The following USP35 variants were observed in gnomAD, a reference collection of about 807,000 sequenced individuals.
USP35 encodes the protein ubiquitin carboxyl-terminal hydrolase 35.
A neutral mutation model predicts 83.8 loss-of-function variants in USP35; 69 were observed. The ratio of observed to expected loss-of-function variants is 0.82; its 90% CI spans 0.68 to 1.01. USP35 has a LOEUF of 1.01. USP35 is among the 50% of genes least tolerant of loss of function. USP35 has a pLI of 0.00. For missense variants in USP35, 1,503 were observed against 1,362.5 expected (o/e 1.10, Z -1.62); for synonymous variants, 714 against 589.5 (o/e 1.21, Z -3.06).
chr11:78,190,789 A>C (rs1862980579), intron 1 of USP35, among the ~76,000 whole-genome samples: 1 of 152,166 alleles, frequency 6.6e-6, no homozygotes, highest in South Asian at 2.1e-4. Flanking sequence ...TTTCCAGGAG[A>C]GAAGAGGGAA....
intron 6 of USP35, among the ~76,000 whole-genome samples, chr11:78,201,381 T>C (rs972017816): frequency 3.9e-5 from 6 of 152,188 alleles, no homozygotes; most frequent in African/African-American, 1.4e-4. Flanking sequence ...GGCTGGGAAC[T>C]GGGGGCATGG....
At chr11:78,198,950 G>A (rs1229136321) in intron 3 of USP35, 4 of 154,350 alleles carry the variant, frequency 2.6e-5, no homozygotes, top group Admixed American at 1.3e-4. Context: ...TTGCTGTCAT[G>A]GTTTTGTCTT....
At position 78,210,103 on chromosome 11, in the gene USP35, G is replaced by T. The variant is rs1189436315; in HGVS notation, c.2248G>T (p.Glu750Ter). Residue 750 changes from glutamate (E) to a stop codon, truncating the protein, a stop_gained, in exon 10 of 11, where the codon GAG becomes TAG. Coordinates refer to ENST00000529308, the MANE Select transcript of USP35 (RefSeq NM_020798.4). LOFTEE classifies it high-confidence loss of function. ...THPDAAIPSG[E>*]RTCGSEGSRS... ...CCCGGATGCTGCCATCCCCTCCGGGGAGCGGACATGTGGCTCTGAGGGCTC... is the reference window on the plus strand; with the variant it reads ...CCCGGATGCTGCCATCCCCTCCGGGTAGCGGACATGTGGCTCTGAGGGCTC... The T allele has an allele frequency of 6.2e-7, 1 of 1,614,030 alleles. No individual in the cohort carries two copies. Among genetic ancestry groups the T allele is most frequent in the Non-Finnish European group, 8.5e-7 (1 of 1,179,984 alleles).
rs1214703868 is a variant in USP35 at position 78,197,918 on chromosome 11, C to T, written c.674-18C>T. ...GGGCCTGCCTCCCTGCTAAGCTCAG[C>T]CCTGTCCCCTGTTCCAGAGGAGGAG... On this transcript the variant is annotated intron_variant, in intron 2 of 10. Coordinates refer to ENST00000529308, the MANE Select transcript of USP35 (RefSeq NM_020798.4). 5.6e-6 allele frequency: 9 copies of T among 1,612,946 alleles called. No homozygotes were observed. Among genetic ancestry groups the T allele is most frequent in the African/African-American group, 2.7e-5 (2 of 74,920 alleles).
chr11:78,230,605 G>A, the USP35 span, among the ~76,000 whole-genome samples: 8 of 152,350 alleles, frequency 5.3e-5, no homozygotes, highest in South Asian at 1.7e-3. Flanking sequence ...CTCCTAGAAG[G>A]CAGAGGGCCA....
At chr11:78,200,268 C>T in intron 5 of USP35, 34 bp downstream of exon 5, 1 of 1,605,148 alleles carries the variant, frequency 6.2e-7, no homozygotes, top group Non-Finnish European at 8.5e-7. Flanking sequence ...CTGGTGAGGC[C>T]CCTGCCTGCT....
the USP35 span, chr11:78,223,541 T>A: frequency 3.1e-6 from 5 of 1,613,744 alleles, no homozygotes; most frequent in Non-Finnish European, 4.2e-6. Context: ...GCCCCTGGGC[T>A]CATTGGGATG....
At chr11:78,197,686 C>T (rs926171123) in intron 2 of USP35, among the ~76,000 whole-genome samples, 1 of 152,060 alleles carries the variant, frequency 6.6e-6, no homozygotes, top group African/African-American at 2.4e-5. Flanking sequence ...AGGCCTTGCC[C>T]TGAAACCCAC....
chr11:78,220,294 GCCC>G, the USP35 span: 2 of 1,610,346 alleles, frequency 1.2e-6, no homozygotes, highest in Non-Finnish European at 8.5e-7. Flanking sequence ...AGCTCTTACT[GCCC>G]CCCCAACTCT....
rs1279261777 is a variant in USP35 at position 78,214,518 on chromosome 11, C to T, written c.*705C>T. 2 of 152,158 alleles carry T rather than the reference C, an allele frequency of 1.3e-5. No individual in the cohort carries two copies. Among genetic ancestry groups the T allele is most frequent in the East Asian group, 1.9e-4 (1 of 5,168 alleles). The allele number at this position is 152,158 out of a possible 1,614,324, so 9.4% of individuals were successfully genotyped here. Reference sequence around the variant, plus strand: ...GTCCTGATTTTACTGCAAAGGTGTTCATGTTCCTTGTGAAGTGTGGGCTCT... The same window carrying T: ...GTCCTGATTTTACTGCAAAGGTGTTTATGTTCCTTGTGAAGTGTGGGCTCT... On this transcript the variant is annotated 3_prime_UTR_variant, in exon 11 of 11. Coordinates refer to ENST00000529308, the MANE Select transcript of USP35 (RefSeq NM_020798.4).
chr11:78,213,640 T>C lies in USP35; in HGVS notation c.2890-6T>C. 6.8e-7 allele frequency: 1 copy of C among 1,480,398 alleles called. No homozygotes were observed. Among genetic ancestry groups the C allele is most frequent in the Non-Finnish European group, 8.9e-7 (1 of 1,121,082 alleles). 91.7% of individuals were successfully genotyped at this position (1,480,398 alleles called of 1,614,324 possible). A position where few individuals can be genotyped will look rare whatever the true frequency, so the allele number is the denominator to read the frequency against. Reference sequence around the variant, plus strand: ...AGTCTAAGTCTCCTCTCATCTGTGTTCCCAGGAGCAGGAGAAGGAGGCCCG... The same window carrying C: ...AGTCTAAGTCTCCTCTCATCTGTGTCCCCAGGAGCAGGAGAAGGAGGCCCG... On this transcript the variant is annotated splice_polypyrimidine_tract_variant and splice_region_variant and intron_variant, in intron 10 of 10. Coordinates refer to ENST00000529308, the MANE Select transcript of USP35 (RefSeq NM_020798.4).
At chr11:78,228,331 GA>G in the USP35 span, among the ~76,000 whole-genome samples, 776 of 152,242 alleles carry the variant, frequency 5.1e-3, 3 homozygotes, top group African/African-American at 0.018. Context: ...TTCACTTGGG[GA>G]AAAAAAGAAT....
the USP35 span, chr11:78,221,692 C>A: frequency 6.2e-7 from 1 of 1,611,756 alleles, no homozygotes; most frequent in South Asian, 1.1e-5. Context: ...GGACATAGTT[C>A]TCTTCGCTGT....
At chr11:78,226,620 G>GGGGGGGGGGGGGGGGCC in the USP35 span, 2 of 1,500,578 alleles carry the variant, frequency 1.3e-6, no homozygotes, top group Non-Finnish European at 1.9e-6. Context: ...GCGGGGTGGG[G>GGGGGGGGGGGGGGGGCC]GAGCTATGGC....
At chr11:78,234,891 T>C in the USP35 span, among the ~76,000 whole-genome samples, 2 of 151,916 alleles carry the variant, frequency 1.3e-5, no homozygotes, top group South Asian at 2.1e-4. Context: ...GCGCCTGTAA[T>C]CCCAGCTACT....
At chr11:78,226,067 CTG>C in the USP35 span, among the ~76,000 whole-genome samples, 1 of 152,224 alleles carries the variant, frequency 6.6e-6, no homozygotes, top group Non-Finnish European at 1.5e-5. Context: ...CTTTAGCAGT[CTG>C]TTAGTCCACA....
chr11:78,196,776 C>G lies in USP35; in HGVS notation c.531C>G (p.Cys177Trp), dbSNP rs777097838. The stretch of plus-strand genomic sequence containing the variant: ...TGCGTTGCCTCGGCCGCTTCCGCTG[C>G]CCAGCCGAAGGCGAGGAGGGCGCCG... ...QLVRCLGRFR[C>W]PAEGEEGAVE... The change falls in exon 2 of 11, where the codon TGC becomes TGG. Residue 177 changes from cysteine to tryptophan, a missense_variant. Coordinates refer to ENST00000529308, the MANE Select transcript of USP35 (RefSeq NM_020798.4). This position sits in a 1 kb window ranked among gnomAD's most constrained non-coding sequence, Gnocchi z 4.8. 3 of 1,533,528 alleles carry G rather than the reference C, an allele frequency of 2.0e-6. No individual in the cohort carries two copies. Among genetic ancestry groups the G allele is most frequent in the East Asian group, 4.9e-5 (2 of 40,826 alleles). The allele number at this position is 1,533,528 out of a possible 1,614,324, so 95.0% of individuals were successfully genotyped here.
chr11:78,195,117 C>T (rs186048200), intron 1 of USP35, among the ~76,000 whole-genome samples: 114 of 152,152 alleles, frequency 7.5e-4, no homozygotes, highest in Non-Finnish European at 1.1e-3. Flanking sequence ...AGGGCTGGAG[C>T]GCGGAGATGA....
At chr11:78,227,631 C>CAAAAAAAAAAAAAAAA in the USP35 span, among the ~76,000 whole-genome samples, 109 of 105,976 alleles carry the variant, frequency 1.0e-3, 3 homozygotes, top group East Asian at 7.4e-3. Context: ...CCATTGCCAC[C>CAAAAAAAAAAAAAAAA]AAAAAAAAAA....
Sources: gnomAD v4.1 joint callset for allele counts (sites outside exome capture counted in the v4.1 genomes callset) on GRCh38, gnomAD v4.1.1 for gene constraint, Gnocchi (gnomAD v3.1) non-coding constraint, MANE v1.5 for transcripts, NCBI Gene and HGNC (gene_info 2026-07-23, HGNC 2026-07-21) for gene names.